KLHL4: variants seen among roughly 807,000 people sequenced by gnomAD.
KLHL4 encodes the protein kelch like family member 4, also known as kelch-like protein 4.
A neutral mutation model predicts 45.8 loss-of-function variants in KLHL4; 17 were observed. The ratio of observed to expected loss-of-function variants is 0.37; its 90% CI spans 0.25 to 0.56. KLHL4 has a LOEUF of 0.56. KLHL4 is among the 20% of genes least tolerant of loss of function. KLHL4 has a pLI of 0.79. For synonymous variants in KLHL4, 224 were observed against 189.9 expected (o/e 1.18, Z -1.47); for missense variants, 544 against 544.9 (o/e 1.00, Z 0.02).
chrX:87,631,750 T>C (rs919009737), intron 6 of KLHL4, among the ~76,000 whole-genome samples: 6 of 111,126 alleles, frequency 5.4e-5, no homozygotes, highest in Non-Finnish European at 1.1e-4. Context: ...CACACACACA[T>C]ACACACAAAC....
intron 1 of KLHL4, among the ~76,000 whole-genome samples, chrX:87,526,368 T>C (rs1008932371): frequency 6.2e-5 from 7 of 112,076 alleles, no homozygotes; most frequent in Non-Finnish European, 1.3e-4. Context: ...CTCATACAAA[T>C]GAATAAAAAG....
At chrX:87,600,468 A>G (rs983331044) in intron 1 of KLHL4, among the ~76,000 whole-genome samples, 3 of 92,992 alleles carry the variant, frequency 3.2e-5, no homozygotes, top group Admixed American at 1.2e-4. Context: ...GGGCGACAGA[A>G]CGAGACTTCG....
chrX:87,668,668 T>A lies in KLHL4; in HGVS notation c.*2134T>A. 7.0e-6 allele frequency: 1 copy of A among 143,528 alleles called. No homozygotes were observed. Among genetic ancestry groups the A allele is most frequent in the Non-Finnish European group, 1.2e-5 (1 of 81,682 alleles). 11.8% of individuals were successfully genotyped at this position (143,528 alleles called of 1,213,427 possible). ...ATCCATTCATGGATTAATGGATTAT[T>A]ATGAGTGGGGGACTGGTGACTTTAT... is the stretch of plus-strand genomic sequence containing the variant. On this transcript the variant is annotated 3_prime_UTR_variant, in exon 11 of 11. Transcript: ENST00000373119.
In KLHL4 at chrX:87,668,416, G is replaced by A. The variant is rs1173319469; in HGVS notation, c.*1882G>A. 1 of 748,046 alleles carries A rather than the reference G, an allele frequency of 1.3e-6. No homozygotes were observed. Among genetic ancestry groups the A allele is most frequent in the African/African-American group, 2.3e-5 (1 of 43,217 alleles). The allele number at this position is 748,046 out of a possible 1,213,427, so 61.6% of individuals were successfully genotyped here. A position where few individuals can be genotyped will look rare whatever the true frequency, so the allele number is the denominator to read the frequency against. ...TACTCTCTTCTCAATGGCATAGCTG[G>A]ACTTGATTAAGTATTGACTCATAGA... On this transcript the variant is annotated 3_prime_UTR_variant, in exon 11 of 11. Coordinates refer to ENST00000373119, the MANE Select transcript of KLHL4 (RefSeq NM_019117.5).
intron 3 of KLHL4, among the ~76,000 whole-genome samples, chrX:87,616,379 T>C (rs1347299087): frequency 8.9e-6 from 1 of 111,845 alleles, no homozygotes; most frequent in African/African-American, 3.2e-5. Context: ...TAAGCAAAAA[T>C]ATTCCCTAAA....
At chrX:87,649,614 T>C (rs996683762) in intron 9 of KLHL4, among the ~76,000 whole-genome samples, 7 of 111,998 alleles carry the variant, frequency 6.3e-5, no homozygotes, top group African/African-American at 1.9e-4. Context: ...CATCAAGCTT[T>C]TTATTTATAT....
chrX:87,599,361 G>C (rs1293015681), intron 1 of KLHL4, among the ~76,000 whole-genome samples: 1 of 111,437 alleles, frequency 9.0e-6, no homozygotes, highest in Admixed American at 9.6e-5. Context: ...ACATTTCTTA[G>C]ATGCGTTAAA....
At position 87,614,063 on chromosome X, in the gene KLHL4, A is replaced by G. The variant is rs1922472090; in HGVS notation, c.590+19A>G. 1.7e-6 allele frequency: 2 copies of G among 1,155,368 alleles called. No homozygotes were observed. The highest frequency in any genetic ancestry group is 2.3e-6 in the Non-Finnish European group (2 of 857,743). On this transcript the variant is annotated intron_variant, in intron 2 of 10. Transcript: ENST00000373119. ...CCCATAGGTAAGTATTTTTATGTAT[A>G]CAGAATGGTTTTGAGTAGGGCAATT...
chrX:87,667,257 G>A lies in KLHL4; in HGVS notation c.*723G>A. 1 of 713,709 alleles carries A rather than the reference G, an allele frequency of 1.4e-6. No homozygotes were observed. Among genetic ancestry groups the A allele is most frequent in the Non-Finnish European group, 1.7e-6 (1 of 602,665 alleles). 58.8% of individuals were successfully genotyped at this position (713,709 alleles called of 1,213,427 possible). A position where few individuals can be genotyped will look rare whatever the true frequency, so the allele number is the denominator to read the frequency against. On this transcript the variant is annotated 3_prime_UTR_variant, in exon 11 of 11. Coordinates refer to ENST00000373119, the MANE Select transcript of KLHL4 (RefSeq NM_019117.5). Reference sequence around the variant, plus strand: ...ATATTACTGTAATTTCATATACACAGTCTATACAATGAAATAATGAATATT... The same window carrying A: ...ATATTACTGTAATTTCATATACACAATCTATACAATGAAATAATGAATATT...
Position 87,613,908 on chromosome X carries a change from G to A in KLHL4, c.454G>A (p.Ala152Thr). The change falls in exon 2 of 11, where the codon GCC becomes ACC. Residue 152 changes from alanine (A) to threonine (T), a missense_variant. Ala to Thr is a moderately conservative substitution (Grantham distance 58). Coordinates refer to ENST00000373119, the MANE Select transcript of KLHL4 (RefSeq NM_019117.5). ...LDTQHSEDMN[A>T]TRSEEQFHVI... ...TACACAACACTCTGAAGACATGAAT[G>A]CCACCAGATCTGAAGAGCAGTTCCA... 1 of 1,200,510 alleles carries A rather than the reference G, an allele frequency of 8.3e-7. No homozygotes were observed. Among genetic ancestry groups the A allele is most frequent in the Non-Finnish European group, 1.1e-6 (1 of 889,685 alleles).
At chrX:87,551,578 A>C (rs199763000) in intron 1 of KLHL4, among the ~76,000 whole-genome samples, 1 of 72,632 alleles carries the variant, frequency 1.4e-5, no homozygotes, top group Admixed American at 2.2e-4. Flanking sequence ...CAGATAGATA[A>C]ATAGATAGGT....
At chrX:87,618,563 C>T (rs1922642777) in intron 4 of KLHL4, among the ~76,000 whole-genome samples, 1 of 111,659 alleles carries the variant, frequency 9.0e-6, no homozygotes, top group African/African-American at 3.3e-5. Flanking sequence ...ATTAGTGGCG[C>T]AATCTCAGCT....
At chrX:87,556,147 T>C (rs1220260136) in intron 1 of KLHL4, among the ~76,000 whole-genome samples, 1 of 110,927 alleles carries the variant, frequency 9.0e-6, no homozygotes, top group Non-Finnish European at 1.9e-5. Flanking sequence ...AACTATATGG[T>C]CAATTTTGGA....
intron 9 of KLHL4, among the ~76,000 whole-genome samples, chrX:87,643,502 C>A (rs1923534133): frequency 9.0e-6 from 1 of 111,613 alleles, no homozygotes; most frequent in African/African-American, 3.3e-5. Flanking sequence ...GATACCAATT[C>A]TTTTGACACT....
At chrX:87,622,753 G>A (rs222065) in intron 5 of KLHL4, among the ~76,000 whole-genome samples, 41,080 of 108,992 alleles carry the variant, frequency 0.38, 5,992 homozygotes, top group Middle Eastern at 0.46. Flanking sequence ...CAAAATGTTA[G>A]TAATTAGTAC....
intron 6 of KLHL4, among the ~76,000 whole-genome samples, chrX:87,630,804 CT>C (rs1249354133): frequency 1.8e-5 from 2 of 111,616 alleles, no homozygotes; most frequent in African/African-American, 6.5e-5. Flanking sequence ...ATTCTATATT[CT>C]CAACTGTAAT....
intron 9 of KLHL4, among the ~76,000 whole-genome samples, chrX:87,650,320 A>G (rs1424567560): frequency 9.0e-6 from 1 of 111,171 alleles, no homozygotes; most frequent in African/African-American, 3.3e-5. Flanking sequence ...CTGATCTCAA[A>G]TGCCTGGACT....
At chrX:87,577,640 C>T (rs1280179348) in intron 1 of KLHL4, among the ~76,000 whole-genome samples, 1 of 111,466 alleles carries the variant, frequency 9.0e-6, no homozygotes, top group Non-Finnish European at 1.9e-5. Context: ...TTTGCTTCAG[C>T]CTCAGAGCAC....
intron 1 of KLHL4, among the ~76,000 whole-genome samples, chrX:87,538,360 G>T (rs1277811519): frequency 9.0e-6 from 1 of 111,551 alleles, no homozygotes; most frequent in Non-Finnish European, 1.9e-5. Flanking sequence ...AAATATCTGA[G>T]TGTGAACTAT....
Sources: allele counts gnomAD v4.1 joint callset (sites outside exome capture counted in the v4.1 genomes callset), GRCh38; gene constraint gnomAD v4.1.1; transcripts MANE v1.5; gene names NCBI Gene and HGNC (gene_info 2026-07-23, HGNC 2026-07-21).